Variants in APBB1IP observed in about 807,000 individuals in gnomAD.
APBB1IP encodes amyloid beta A4 precursor protein-binding family B member 1-interacting protein.
APBB1IP carries 27 observed loss-of-function variants against 64.9 expected under a neutral mutation model. The ratio of observed to expected loss-of-function variants is 0.42; its 90% CI spans 0.31 to 0.57. The LOEUF (loss-of-function observed/expected upper bound fraction) is 0.57. Among genes scored for constraint, APBB1IP ranks in the 20% least tolerant of loss-of-function variants. The pLI is 0.20. For synonymous variants in APBB1IP, 392 were observed against 331.0 expected (o/e 1.18, Z -2.00); for missense variants, 812 against 845.5 (o/e 0.96, Z 0.49).
chr10:26,476,205 C>T (rs771636660), intron 2 of APBB1IP, among the ~76,000 whole-genome samples: 2 of 151,660 alleles, frequency 1.3e-5, no homozygotes, highest in African/African-American at 4.8e-5. Flanking sequence ...ATTACAGATG[C>T]CCGCCACCAC....
chr10:26,528,418 A>T (rs932591711), intron 8 of APBB1IP, among the ~76,000 whole-genome samples: 1 of 152,134 alleles, frequency 6.6e-6, no homozygotes, highest in African/African-American at 2.4e-5. Flanking sequence ...AGAACATTGA[A>T]CAGCTTTCAA....
At chr10:26,564,618 T>G in intron 14 of APBB1IP, among the ~76,000 whole-genome samples, 1 of 151,960 alleles carries the variant, frequency 6.6e-6, no homozygotes, top group Non-Finnish European at 1.5e-5. Context: ...GAGTGGCCAA[T>G]ATGTAGAAAC....
intron 2 of APBB1IP, among the ~76,000 whole-genome samples, chr10:26,460,691 A>G (rs1835579179): frequency 6.6e-6 from 1 of 152,184 alleles, no homozygotes; most frequent in Non-Finnish European, 1.5e-5. Flanking sequence ...TCAGCAAACT[A>G]ATGCAGGAAC....
chr10:26,517,232 A>G (rs1836343065), intron 8 of APBB1IP, among the ~76,000 whole-genome samples: 1 of 152,134 alleles, frequency 6.6e-6, no homozygotes, highest in South Asian at 2.1e-4. Flanking sequence ...ACATATCATA[A>G]TGGTACACTC....
chr10:26,560,312 C>A, intron 12 of APBB1IP, 109 bp downstream of exon 12: 1 of 1,008,052 alleles, frequency 9.9e-7, no homozygotes, highest in Non-Finnish European at 1.5e-6. Flanking sequence ...TTGGGTTCAG[C>A]CACAGACATT....
intron 2 of APBB1IP, among the ~76,000 whole-genome samples, chr10:26,455,183 T>G (rs1835508380): frequency 6.6e-6 from 1 of 152,178 alleles, no homozygotes. Flanking sequence ...CTCGGCTAAT[T>G]TAAATATAAA....
chr10:26,477,950 A>T (rs1420138205), intron 2 of APBB1IP, among the ~76,000 whole-genome samples: 1 of 152,200 alleles, frequency 6.6e-6, no homozygotes, highest in East Asian at 1.9e-4. Context: ...GTAGTTTTTT[A>T]AATTTATCCA....
chr10:26,492,429 A>T, intron 3 of APBB1IP, 31 bp downstream of exon 3: 14 of 1,597,760 alleles, frequency 8.8e-6, no homozygotes, highest in Non-Finnish European at 1.2e-5. Flanking sequence ...GGCAAATTGG[A>T]AAACAAAAAT....
intron 14 of APBB1IP, among the ~76,000 whole-genome samples, chr10:26,566,183 C>G (rs1220685500): frequency 6.6e-6 from 1 of 152,146 alleles, no homozygotes; most frequent in Non-Finnish European, 1.5e-5. Context: ...ACTCAGGAGG[C>G]TGAGGCAGGA....
intron 2 of APBB1IP, among the ~76,000 whole-genome samples, chr10:26,463,733 T>A (rs958965094): frequency 3.9e-5 from 6 of 152,328 alleles, no homozygotes; most frequent in Admixed American, 2.0e-4. Context: ...ATAGCATTTT[T>A]AAAAAATGTT....
At chr10:26,531,902 T>TG (rs1354048991) in intron 8 of APBB1IP, among the ~76,000 whole-genome samples, 1 of 152,110 alleles carries the variant, frequency 6.6e-6, no homozygotes, top group Non-Finnish European at 1.5e-5. Context: ...GCTATGATCA[T>TG]GTGACTGCAC....
intron 4 of APBB1IP, 52 bp downstream of exon 4, chr10:26,496,443 C>A: frequency 2.2e-6 from 3 of 1,361,024 alleles, no homozygotes; most frequent in South Asian, 2.4e-5. Flanking sequence ...AATGATGATT[C>A]AAATCAGTAT....
chr10:26,565,541 A>G (rs1837030672), intron 14 of APBB1IP, among the ~76,000 whole-genome samples: 1 of 152,214 alleles, frequency 6.6e-6, no homozygotes, highest in Non-Finnish European at 1.5e-5. Context: ...ATGTGATCTA[A>G]ATACGATCTA....
At chr10:26,492,244 T>TG in intron 2 of APBB1IP, 83 bp from the exon 3 acceptor site, 1 of 1,280,656 alleles carries the variant, frequency 7.8e-7, no homozygotes, top group Non-Finnish European at 1.1e-6. Flanking sequence ...ATGGGGCTCT[T>TG]GGGGGAAAGA....
In APBB1IP at chr10:26,567,426, GA is replaced by G; in HGVS notation, c.1940del (p.Glu647GlyfsTer9). ...GCACCCCGGCGGAGCAGGAGGCGGGGAGCAAGATTTCATGTCAGACCTCATG... is the reference window on the plus strand; with the variant it reads ...GCACCCCGGCGGAGCAGGAGGCGGGGGCAAGATTTCATGTCAGACCTCATG... ...PGHPGGAGGG[E>X]QDFMSDLMKA... On this transcript the variant is annotated frameshift_variant, in exon 15 of 15. Coordinates refer to ENST00000376236, the MANE Select transcript of APBB1IP (RefSeq NM_019043.4). LOFTEE classifies it high-confidence loss of function. 1 of 1,608,014 alleles carries G rather than the reference GA, an allele frequency of 6.2e-7. No individual in the cohort carries two copies. The highest frequency in any genetic ancestry group is 8.5e-7 in the Non-Finnish European group (1 of 1,176,056).
At position 26,556,297 on chromosome 10, in the gene APBB1IP, A is replaced by G. The variant is rs186580434; in HGVS notation, c.1156-3808A>G. 3.4e-4 allele frequency among the ~76,000 whole-genome samples: 52 copies of G among 152,352 alleles called. 1 individual carries two copies. The East Asian group carries it at 8.9e-3, about 26-fold the overall frequency. On this transcript the variant is annotated intron_variant, in intron 11 of 14. Coordinates refer to ENST00000376236, the MANE Select transcript of APBB1IP (RefSeq NM_019043.4). ...AAAGTCTCAAGACACGGTGGAGAAC[A>G]AGCCCAGTGACTTGCTCTATAATGT...
At chr10:26,524,111 C>T (rs1437039847) in intron 8 of APBB1IP, among the ~76,000 whole-genome samples, 2 of 152,020 alleles carry the variant, frequency 1.3e-5, no homozygotes. Context: ...GTGACCTTCT[C>T]CCACCCTCCT....
chr10:26,441,757 A>T (rs568963485), intron 2 of APBB1IP, among the ~76,000 whole-genome samples: 10 of 152,272 alleles, frequency 6.6e-5, no homozygotes, highest in Admixed American at 3.9e-4. Flanking sequence ...GTTTTAAAAC[A>T]TTTCCTGAGC....
At chr10:26,526,158 C>T (rs375878622) in intron 8 of APBB1IP, among the ~76,000 whole-genome samples, 6 of 152,276 alleles carry the variant, frequency 3.9e-5, no homozygotes, top group African/African-American at 1.4e-4. Flanking sequence ...GAATTGAGGA[C>T]TGAGTATGAA....
Sources: gnomAD v4.1 joint callset for allele counts (sites outside exome capture counted in the v4.1 genomes callset) on GRCh38, gnomAD v4.1.1 for gene constraint, MANE v1.5 for transcripts, NCBI Gene and HGNC (gene_info 2026-07-23, HGNC 2026-07-21) for gene names.